The following SLC2A13 variants were observed in gnomAD, a reference collection of about 807,000 sequenced individuals.
The protein encoded by SLC2A13 is solute carrier family 2 member 13, also known as proton myo-inositol cotransporter.
A neutral mutation model predicts 64.4 loss-of-function variants in SLC2A13; 32 were observed. The observed-to-expected ratio is 0.50, with a 90% CI of 0.37 to 0.67. The LOEUF is 0.67. SLC2A13 is among the 30% of genes least tolerant of loss of function. The pLI is 0.00. For synonymous variants in SLC2A13, 338 were observed against 327.1 expected (o/e 1.03, Z -0.36); for missense variants, 743 against 829.2 (o/e 0.90, Z 1.28).
chr12:39,853,982 G>A (rs776918454), intron 6 of SLC2A13, among the ~76,000 whole-genome samples: 3 of 151,944 alleles, frequency 2.0e-5, no homozygotes, highest in East Asian at 3.8e-4. Flanking sequence ...TAAAATCCTA[G>A]TGTTTAAATA....
At chr12:39,818,198 T>C (rs1374606956) in intron 7 of SLC2A13, among the ~76,000 whole-genome samples, 1 of 152,058 alleles carries the variant, frequency 6.6e-6, no homozygotes, top group African/African-American at 2.4e-5. Context: ...ACAGAGTTCC[T>C]AAAATCATCT....
chr12:39,782,549 G>C (rs1443583343), intron 7 of SLC2A13, among the ~76,000 whole-genome samples: 1 of 152,084 alleles, frequency 6.6e-6, no homozygotes, highest in Non-Finnish European at 1.5e-5. Flanking sequence ...TTTCTTCCCA[G>C]TTTTGGGTAT....
At chr12:40,102,056 C>T (rs1939168887) in intron 1 of SLC2A13, among the ~76,000 whole-genome samples, 1 of 152,354 alleles carries the variant, frequency 6.6e-6, no homozygotes, top group South Asian at 2.1e-4. Flanking sequence ...CTTTGAATAT[C>T]CCACTGTAGA....
At chr12:39,971,997 A>AAAATAT (rs1375405006) in intron 3 of SLC2A13, among the ~76,000 whole-genome samples, 1 of 77,378 alleles carries the variant, frequency 1.3e-5, no homozygotes, top group African/African-American at 4.8e-5. Flanking sequence ...AAAAAAAAAA[A>AAAATAT]ATATATATAT....
At chr12:39,887,352 C>T (rs1456706162) in intron 4 of SLC2A13, among the ~76,000 whole-genome samples, 1 of 152,114 alleles carries the variant, frequency 6.6e-6, no homozygotes. Flanking sequence ...TACCCTGCCC[C>T]TTAAGGGGGA....
chr12:39,892,885 T>G (rs1944646953), intron 4 of SLC2A13, among the ~76,000 whole-genome samples: 1 of 152,092 alleles, frequency 6.6e-6, no homozygotes, highest in African/African-American at 2.4e-5. Flanking sequence ...TAAAGCAAAA[T>G]TGTAGAGCTT....
At chr12:40,018,459 T>C (rs1024739440) in intron 3 of SLC2A13, among the ~76,000 whole-genome samples, 2 of 152,224 alleles carry the variant, frequency 1.3e-5, no homozygotes, top group Non-Finnish European at 2.9e-5. Flanking sequence ...TAGTTCTTTC[T>C]TGTGGATGAA....
intron 6 of SLC2A13, among the ~76,000 whole-genome samples, chr12:39,851,579 T>C (rs138986648): frequency 2.0e-5 from 3 of 152,302 alleles, no homozygotes; most frequent in Admixed American, 6.5e-5. Context: ...AGCAACATTA[T>C]CATCCATGCT....
At chr12:40,059,916 G>C (rs1948390849) in intron 1 of SLC2A13, among the ~76,000 whole-genome samples, 1 of 152,088 alleles carries the variant, frequency 6.6e-6, no homozygotes, top group Non-Finnish European at 1.5e-5. Flanking sequence ...TCCTGTCTTG[G>C]ACAGTGAAAG....
chr12:40,046,637 A>G (rs1182876928), intron 2 of SLC2A13, among the ~76,000 whole-genome samples: 4 of 145,932 alleles, frequency 2.7e-5, no homozygotes, highest in Non-Finnish European at 6.1e-5. Context: ...TACTGAGTAG[A>G]AAAAAAAAAA....
At chr12:39,773,125 C>T (rs1179536479) in intron 7 of SLC2A13, among the ~76,000 whole-genome samples, 2 of 152,182 alleles carry the variant, frequency 1.3e-5, no homozygotes, top group African/African-American at 4.8e-5. Flanking sequence ...AATACTTTGA[C>T]ATCAGTGTGT....
rs143974699 is a variant in SLC2A13, at chr12:39,823,256, A to C, written c.1445+6847T>G. ...TCTCTCTATAAAATTTATGTTGGTA[A>C]AAATTAACTTTGAGCTACATTGTTA... On this transcript the variant is annotated intron_variant, in intron 7 of 9. Transcript: ENST00000280871. Among the ~76,000 whole-genome samples, 741 of 152,314 alleles carry C rather than the reference A, an allele frequency of 4.9e-3. 21 individuals carry two copies. Among genetic ancestry groups the C allele is most frequent in the Non-Finnish European group, 1.4e-3 (92 of 68,016 alleles).
chr12:40,100,966 AGAC>A (rs1939127033), intron 1 of SLC2A13, among the ~76,000 whole-genome samples: 1 of 90,814 alleles, frequency 1.1e-5, no homozygotes, highest in Non-Finnish European at 2.3e-5. Flanking sequence ...GTTCCATCTC[AGAC>A]AAAAAAAAAA....
At chr12:40,068,899 C>A (rs1422118472) in intron 1 of SLC2A13, among the ~76,000 whole-genome samples, 2 of 151,232 alleles carry the variant, frequency 1.3e-5, no homozygotes, top group Non-Finnish European at 2.9e-5. Flanking sequence ...AAACAAGTCA[C>A]AAAGAAAGAG....
chr12:39,814,581 C>T (rs1402205156), intron 7 of SLC2A13, among the ~76,000 whole-genome samples: 1 of 152,108 alleles, frequency 6.6e-6, no homozygotes, highest in African/African-American at 2.4e-5. Context: ...AGGAACTCCT[C>T]TTTTATGGTA....
In SLC2A13 at chr12:40,088,176, G is replaced by C. The variant is rs28365174; in HGVS notation, c.556+17077C>G. 2.0e-5 allele frequency among the ~76,000 whole-genome samples: 3 copies of C among 152,266 alleles called. No individual in the cohort carries two copies. In the East Asian group the frequency reaches 5.8e-4, roughly 29 times the overall value. Reference sequence around the variant, plus strand: ...TTTCTTTAAGACATAAAGCTCAAAAGGGGGACAGGTAAAGACACTAAGTAC... The same window carrying C: ...TTTCTTTAAGACATAAAGCTCAAAACGGGGACAGGTAAAGACACTAAGTAC... On this transcript the variant is annotated intron_variant, in intron 1 of 9. Transcript: ENST00000280871.
At chr12:39,866,262 A>T (rs1425709582) in intron 5 of SLC2A13, among the ~76,000 whole-genome samples, 1 of 152,202 alleles carries the variant, frequency 6.6e-6, no homozygotes, top group African/African-American at 2.4e-5. Flanking sequence ...TTTTTGTTTA[A>T]GACATAGTAG....
At chr12:39,883,289 A>G (rs1186154508) in intron 4 of SLC2A13, among the ~76,000 whole-genome samples, 2 of 152,142 alleles carry the variant, frequency 1.3e-5, no homozygotes, top group Non-Finnish European at 2.9e-5. Context: ...AATACGCCTC[A>G]CCACCATCAC....
chr12:39,895,640 G>A (rs1162533718), intron 4 of SLC2A13, among the ~76,000 whole-genome samples: 47 of 80,152 alleles, frequency 5.9e-4, no homozygotes, highest in African/African-American at 1.1e-3. Flanking sequence ...ATATGTATAT[G>A]CGTGTATACG....
Sources: gnomAD v4.1 joint callset for allele counts (sites outside exome capture counted in the v4.1 genomes callset) on GRCh38, gnomAD v4.1.1 for gene constraint, MANE v1.5 for transcripts, NCBI Gene and HGNC (gene_info 2026-07-23, HGNC 2026-07-21) for gene names.